The following GAS7 variants were observed in gnomAD, a reference collection of about 807,000 sequenced individuals.
GAS7 encodes growth arrest-specific protein 7.
Under a neutral mutation model 71.1 loss-of-function variants are expected in GAS7, and 28 were observed. The ratio of observed to expected loss-of-function variants is 0.39; its 90% CI spans 0.29 to 0.54. The LOEUF is 0.54. GAS7 is among the 20% of genes least tolerant of loss of function. GAS7 has a pLI of 0.62. For missense variants in GAS7, 436 were observed against 627.8 expected, an observed-to-expected ratio of 0.69 and a Z score of 3.27; for synonymous variants, 258 against 245.8, an observed-to-expected ratio of 1.05 and a Z score of -0.46.
In GAS7 at chr17:9,964,160, G is replaced by A. The variant is rs76135668; in HGVS notation, c.472-4905C>T. On this transcript the variant is annotated intron_variant, in intron 4 of 13. Transcript: ENST00000432992. ...CATTTATTTTGTAAAGGCCTGCCCAGGGGTCAGGACACCCCACCTGGGCAT... is the reference window on the plus strand; with the variant it reads ...CATTTATTTTGTAAAGGCCTGCCCAAGGGTCAGGACACCCCACCTGGGCAT... Among the ~76,000 whole-genome samples the A allele has an allele frequency of 4.1e-3, 617 of 152,194 alleles. 1 individual carries two copies. Among genetic ancestry groups the A allele is most frequent in the African/African-American group, 0.014 (583 of 41,514 alleles).
chr17:10,190,392 G>A (rs989428441), intron 1 of GAS7, among the ~76,000 whole-genome samples: 1 of 152,082 alleles, frequency 6.6e-6, no homozygotes, highest in East Asian at 1.9e-4. Flanking sequence ...AGTCCAGCCT[G>A]ACCAGCGTGG....
At chr17:9,947,833 CAA>C (rs10618544) in intron 5 of GAS7, among the ~76,000 whole-genome samples, 3,832 of 95,802 alleles carry the variant, frequency 0.04, 153 homozygotes, top group Admixed American at 0.12. Flanking sequence ...AGGTTAAAAA[CAA>C]AAAAAAAAAA....
intron 1 of GAS7, among the ~76,000 whole-genome samples, chr17:10,157,163 GAGA>G (rs2074211766): frequency 6.6e-6 from 1 of 152,140 alleles, no homozygotes; most frequent in Non-Finnish European, 1.5e-5. Context: ...GGACCCCTGG[GAGA>G]AGGAGGAAAC....
At chr17:10,125,956 G>A (rs973763198) in intron 1 of GAS7, among the ~76,000 whole-genome samples, 6 of 152,176 alleles carry the variant, frequency 3.9e-5, no homozygotes, top group Non-Finnish European at 7.3e-5. Flanking sequence ...GCTGGACAAG[G>A]CTGGCTCCAT....
intron 1 of GAS7, among the ~76,000 whole-genome samples, chr17:10,079,990 T>C (rs1255929744): frequency 6.6e-6 from 1 of 152,174 alleles, no homozygotes; most frequent in Non-Finnish European, 1.5e-5. Flanking sequence ...TGACTCCATC[T>C]TGTATAGAGG....
Position 10,016,751 on chromosome 17 carries a change from AAATAATAATAATAAT to A in GAS7, c.304+3011_304+3025del, listed in dbSNP as rs4057773. On this transcript the variant is annotated intron_variant, in intron 2 of 13. Coordinates refer to ENST00000432992, the MANE Select transcript of GAS7 (RefSeq NM_201433.2). ...TAACATGGCAAAACATCTCTACAAA[AAATAATAATAATAAT>A]AATAATAATAATAATAATAATAATA... is the stretch of plus-strand genomic sequence containing the variant. 8.4e-3 allele frequency among the ~76,000 whole-genome samples: 1,182 copies of A among 139,906 alleles called. 7 individuals are homozygous for A. Among genetic ancestry groups the A allele is most frequent in the African/African-American group, 0.023 (881 of 38,372 alleles). 91.8% of individuals were successfully genotyped at this position (139,906 alleles called of 152,430 possible).
At chr17:9,945,278 T>C (rs1386498517) in intron 6 of GAS7, among the ~76,000 whole-genome samples, 2 of 151,956 alleles carry the variant, frequency 1.3e-5, no homozygotes, top group African/African-American at 2.4e-5. Flanking sequence ...ACCCGTCAAC[T>C]TCCCACCCCC....
intron 1 of GAS7, among the ~76,000 whole-genome samples, chr17:10,104,590 C>T (rs368016649): frequency 6.6e-6 from 1 of 152,188 alleles, no homozygotes; most frequent in African/African-American, 2.4e-5. Context: ...AGGAATCTAA[C>T]GAATCTAATG....
At chr17:10,191,555 CAA>C (rs59145222) in intron 1 of GAS7, among the ~76,000 whole-genome samples, 46 of 88,098 alleles carry the variant, frequency 5.2e-4, no homozygotes, top group Non-Finnish European at 6.2e-4. Context: ...GACCCTGTGT[CAA>C]AAAAAAAAAA....
chr17:9,921,425 G>A (rs1263402063), intron 11 of GAS7, among the ~76,000 whole-genome samples: 3 of 152,124 alleles, frequency 2.0e-5, no homozygotes, highest in Non-Finnish European at 4.4e-5. Context: ...AAATGCAAAT[G>A]CATTTCTAGC....
At chr17:10,196,397 C>T (rs2142160037) in intron 1 of GAS7, among the ~76,000 whole-genome samples, 1 of 152,306 alleles carries the variant, frequency 6.6e-6, no homozygotes, top group East Asian at 1.9e-4. Flanking sequence ...CAAGCAGGTG[C>T]TCAGAAGTAT....
At chr17:10,071,796 G>T (rs1183929406) in intron 1 of GAS7, among the ~76,000 whole-genome samples, 2 of 151,616 alleles carry the variant, frequency 1.3e-5, no homozygotes, top group African/African-American at 4.9e-5. Flanking sequence ...AATTAGCTGG[G>T]CATGGTGGCA....
chr17:10,091,491 G>A (rs552998925), intron 1 of GAS7, among the ~76,000 whole-genome samples: 30 of 152,192 alleles, frequency 2.0e-4, no homozygotes, highest in Non-Finnish European at 2.8e-4. Context: ...AGGTTAAAGC[G>A]ATTCTCTTGC....
intron 1 of GAS7, among the ~76,000 whole-genome samples, chr17:10,146,328 ATG>A (rs1233811568): frequency 6.6e-6 from 1 of 152,210 alleles, no homozygotes; most frequent in Non-Finnish European, 1.5e-5. Context: ...CCTAGAAAAG[ATG>A]TCTCACTCAA....
Position 10,026,132 on chromosome 17 carries a change from A to C in GAS7, c.184-6235T>G. 2 of 983,710 alleles carry C rather than the reference A, an allele frequency of 2.0e-6. No homozygotes were observed. Among genetic ancestry groups the C allele is most frequent in the Non-Finnish European group, 2.4e-6 (2 of 828,770 alleles). 60.9% of individuals were successfully genotyped at this position (983,710 alleles called of 1,614,324 possible). A position where few individuals can be genotyped will look rare whatever the true frequency, so the allele number is the denominator to read the frequency against. ...CTCTCTCCCCCTCCGGAGGTTTCTG[A>C]GAACACCTGACTCTTACCTTATCCT... On this transcript the variant is annotated intron_variant, in intron 1 of 13. Coordinates refer to ENST00000432992, the MANE Select transcript of GAS7 (RefSeq NM_201433.2). The surrounding 1 kb of genome is among the most constrained non-coding windows in gnomAD (Gnocchi z 4.5).
intron 1 of GAS7, among the ~76,000 whole-genome samples, chr17:10,114,721 C>T (rs1281196714): frequency 6.6e-6 from 1 of 150,590 alleles, no homozygotes; most frequent in Non-Finnish European, 1.5e-5. Context: ...CACACACACA[C>T]ACACACACAC....
intron 1 of GAS7, among the ~76,000 whole-genome samples, chr17:10,038,828 T>C (rs1277144394): frequency 6.6e-6 from 1 of 151,650 alleles, no homozygotes; most frequent in Non-Finnish European, 1.5e-5. Flanking sequence ...GCCTCCCAAG[T>C]AGCTGGGACT....
intron 5 of GAS7, among the ~76,000 whole-genome samples, chr17:9,947,362 A>G (rs536141082): frequency 3.2e-4 from 48 of 152,312 alleles, no homozygotes; most frequent in Middle Eastern, 3.4e-3. Context: ...AACAACTCCA[A>G]TGTCCATCAG....
intron 1 of GAS7, among the ~76,000 whole-genome samples, chr17:10,148,955 G>A (rs1407296953): frequency 6.7e-6 from 1 of 150,128 alleles, no homozygotes; most frequent in East Asian, 1.9e-4. Flanking sequence ...AACGGTATCA[G>A]GTCAACTGGA....
Sources: allele counts gnomAD v4.1 joint callset (sites outside exome capture counted in the v4.1 genomes callset), GRCh38; gene constraint gnomAD v4.1.1; non-coding constraint Gnocchi (gnomAD v3.1); transcripts MANE v1.5; gene names NCBI Gene and HGNC (gene_info 2026-07-23, HGNC 2026-07-21).